Variants in ENOX2 observed in about 807,000 individuals in gnomAD.
ENOX2 encodes the protein APK1 antigen.
Under a neutral mutation model 45.0 loss-of-function variants are expected in ENOX2, and 36 were observed. That is an observed-to-expected ratio of 0.80 (90% CI 0.61 to 1.06). ENOX2 has a LOEUF of 1.06. ENOX2 is among the 50% of genes least tolerant of loss of function. The pLI is 0.00. For missense variants in ENOX2, 423 were observed against 462.5 expected, an observed-to-expected ratio of 0.91 and a Z score of 0.78; for synonymous variants, 174 against 152.3, an observed-to-expected ratio of 1.14 and a Z score of -1.05.
At chrX:130,631,969 C>T (rs1300197976) in intron 12 of ENOX2, among the ~76,000 whole-genome samples, 1 of 110,724 alleles carries the variant, frequency 9.0e-6, no homozygotes, top group Non-Finnish European at 1.9e-5. Context: ...TGGCTAAGAT[C>T]ACACTGCAAG....
chrX:130,804,129 T>C (rs1603353959), intron 2 of ENOX2, among the ~76,000 whole-genome samples: 1 of 111,619 alleles, frequency 9.0e-6, no homozygotes, highest in East Asian at 2.8e-4. Context: ...GCAGTAAAAT[T>C]ACCAAAAGTG....
At chrX:130,688,084 A>G (rs907233643) in intron 5 of ENOX2, among the ~76,000 whole-genome samples, 5 of 112,422 alleles carry the variant, frequency 4.4e-5, no homozygotes. Context: ...CAGTATGACT[A>G]GAACTATGGA....
At chrX:130,682,294 G>A (rs902882588) in intron 5 of ENOX2, among the ~76,000 whole-genome samples, 4 of 109,970 alleles carry the variant, frequency 3.6e-5, no homozygotes, top group Non-Finnish European at 7.6e-5. Flanking sequence ...ACACTGAAAA[G>A]GCAAAGGCTC....
intron 3 of ENOX2, among the ~76,000 whole-genome samples, chrX:130,739,727 T>C (rs1478004070): frequency 3.6e-5 from 4 of 112,256 alleles, no homozygotes; most frequent in Non-Finnish European, 7.5e-5. Context: ...TCCCAGGTCA[T>C]AGTAGGTGGC....
At chrX:130,751,137 C>T (rs1280818305) in intron 3 of ENOX2, among the ~76,000 whole-genome samples, 1 of 111,223 alleles carries the variant, frequency 9.0e-6, no homozygotes, top group East Asian at 2.8e-4. Flanking sequence ...TTATCTAGTC[C>T]CTGTCCCCAA....
chrX:130,707,336 T>G (rs2038063769), intron 3 of ENOX2, among the ~76,000 whole-genome samples: 1 of 111,896 alleles, frequency 8.9e-6, no homozygotes, highest in Non-Finnish European at 1.9e-5. Flanking sequence ...TATGGCACTT[T>G]GGAATAAGCT....
intron 2 of ENOX2, among the ~76,000 whole-genome samples, chrX:130,822,214 G>C (rs1008620074): frequency 9.0e-6 from 1 of 111,715 alleles, no homozygotes; most frequent in Non-Finnish European, 1.9e-5. Context: ...TCAAGGAAAA[G>C]TTAATGTTCC....
intron 14 of ENOX2, 126 bp from the exon 15 acceptor site, chrX:130,625,571 C>T: frequency 1.6e-6 from 1 of 638,512 alleles, no homozygotes; most frequent in East Asian, 3.8e-5. Context: ...TAACCTCCTC[C>T]TGCTCCTTGC....
In ENOX2 at chrX:130,774,690, T is replaced by C. The variant is rs141795029; in HGVS notation, c.-39+8857A>G. On this transcript the variant is annotated intron_variant, in intron 3 of 14. Transcript: ENST00000394363. ...CTGAAATGGCAGCAGAAGTATTCTG[T>C]GTTTCAAATTTATAAAAATGAAATC... Among the ~76,000 whole-genome samples, 473 of 112,099 alleles carry C rather than the reference T, an allele frequency of 4.2e-3. 3 individuals carry two copies. The highest frequency in any genetic ancestry group is 0.015 in the African/African-American group (451 of 30,890).
At chrX:130,748,532 TG>T (rs1250569403) in intron 3 of ENOX2, among the ~76,000 whole-genome samples, 2 of 112,227 alleles carry the variant, frequency 1.8e-5, no homozygotes, top group African/African-American at 6.5e-5. Context: ...ATTACAAAGT[TG>T]AACAAGAGAA....
chrX:130,788,760 C>A (rs944036717), intron 2 of ENOX2, among the ~76,000 whole-genome samples: 1 of 112,132 alleles, frequency 8.9e-6, no homozygotes, highest in South Asian at 3.7e-4. Context: ...ATACTTCGTT[C>A]ATTTGTTTCC....
intron 3 of ENOX2, among the ~76,000 whole-genome samples, chrX:130,741,285 T>C (rs1247982180): frequency 9.0e-6 from 1 of 111,085 alleles, no homozygotes; most frequent in Non-Finnish European, 1.9e-5. Context: ...AATATATATA[T>C]GCCTTCTGAC....
At chrX:130,893,229 T>C (rs2079010047) in intron 2 of ENOX2, among the ~76,000 whole-genome samples, 1 of 112,387 alleles carries the variant, frequency 8.9e-6, no homozygotes, top group Admixed American at 9.4e-5. Flanking sequence ...AAAAGATAAT[T>C]TGTTGAGCAC....
chrX:130,823,877 C>T (rs1376585596), intron 2 of ENOX2, among the ~76,000 whole-genome samples: 1 of 111,680 alleles, frequency 9.0e-6, no homozygotes, highest in Non-Finnish European at 1.9e-5. Flanking sequence ...CAGATGTGTA[C>T]GAAAAGCCCT....
chrX:130,816,228 T>C (rs1166670664), intron 2 of ENOX2, among the ~76,000 whole-genome samples: 1 of 111,736 alleles, frequency 8.9e-6, no homozygotes, highest in East Asian at 2.8e-4. Flanking sequence ...CTATCCTAAA[T>C]ATATATGCAC....
chrX:130,889,745 G>A (rs1433265865), intron 2 of ENOX2, among the ~76,000 whole-genome samples: 2 of 112,560 alleles, frequency 1.8e-5, no homozygotes, highest in South Asian at 3.7e-4. Context: ...AACCATCAAA[G>A]CTGCAAACCT....
In ENOX2 at chrX:130,631,534, C is replaced by T. The variant is rs147547500; in HGVS notation, c.1462G>A (p.Glu488Lys). The T allele has an allele frequency of 7.2e-4, 868 of 1,203,825 alleles. 3 individuals carry two copies. The Middle Eastern group carries it at 9.4e-3, about 13-fold the overall frequency. The part of the protein sequence containing the change: ...SRLCASNQDS[E>K]YPLEKTMNSS... ...TTCATGGTCTTCTCAAGAGGGTATTCGCTATCCTGGTTTGAGGCACACAGC... is the reference window on the plus strand; with the variant it reads ...TTCATGGTCTTCTCAAGAGGGTATTTGCTATCCTGGTTTGAGGCACACAGC... Residue 488 changes from glutamate to lysine, a missense_variant, in exon 13 of 15, where the codon GAA (glutamate) becomes AAA (lysine). Around this residue, in one of 5 missense-constraint regions of ENOX2, gnomAD observed 108 missense variants for 70.6 expected, o/e 1.53. Transcript: ENST00000394363.
chrX:130,648,985 C>T (rs756785742), intron 10 of ENOX2, among the ~76,000 whole-genome samples: 1 of 91,880 alleles, frequency 1.1e-5, no homozygotes, highest in African/African-American at 4.2e-5. Flanking sequence ...TCAGAGGTTG[C>T]AGTGAGCCAA....
intron 2 of ENOX2, among the ~76,000 whole-genome samples, chrX:130,850,645 T>C (rs1292367108): frequency 8.9e-6 from 1 of 112,485 alleles, no homozygotes; most frequent in Non-Finnish European, 1.9e-5. Context: ...CTCAACCATA[T>C]GAAATAAAAT....
Sources: allele counts gnomAD v4.1 joint callset (sites outside exome capture counted in the v4.1 genomes callset), GRCh38; gene constraint gnomAD v4.1.1; regional missense constraint gnomAD v4.1.1; transcripts MANE v1.5; gene names NCBI Gene and HGNC (gene_info 2026-07-23, HGNC 2026-07-21).